The following TLN2 variants were observed in gnomAD, a reference collection of about 807,000 sequenced individuals.
The protein encoded by TLN2 is talin 2.
TLN2 carries 118 observed loss-of-function variants against 294.7 expected under a neutral mutation model. The ratio of observed to expected loss-of-function variants is 0.40; its 90% confidence interval spans 0.34 to 0.47. The LOEUF is 0.47. TLN2 is among the 20% of genes least tolerant of loss of function. The probability of loss-of-function intolerance (pLI) is 0.84; values close to 1 mark genes in which losing one functional copy is unlikely to be tolerated. For synonymous variants in TLN2, 1,431 were observed against 1,304.5 expected, an observed-to-expected ratio of 1.10 and a Z score of -2.09; for missense variants, 3,083 against 3,282.2, an observed-to-expected ratio of 0.94 and a Z score of 1.48.
intron 1 of TLN2, among the ~76,000 whole-genome samples, chr15:62,482,216 A>G (rs533257346): frequency 6.3e-4 from 96 of 152,230 alleles, no homozygotes; most frequent in African/African-American, 2.2e-3. Context: ...TGCATTGCAC[A>G]TTTCTGTAAT....
intron 45 of TLN2, 188 bp downstream of exon 45, chr15:62,784,078 C>A: frequency 1.0e-6 from 1 of 1,000,386 alleles, no homozygotes; most frequent in Non-Finnish European, 1.4e-6. Context: ...AGTCTCACTG[C>A]CCCTTATGGG....
intron 1 of TLN2, among the ~76,000 whole-genome samples, chr15:62,437,919 C>G (rs184916862): frequency 6.6e-6 from 1 of 152,122 alleles, no homozygotes; most frequent in Admixed American, 6.5e-5. Context: ...GGCAATGCAA[C>G]GGATTGATTT....
chr15:62,638,976 T>G (rs115974842), intron 3 of TLN2, among the ~76,000 whole-genome samples: 218 of 152,312 alleles, frequency 1.4e-3, no homozygotes, highest in African/African-American at 4.9e-3. Context: ...TGCTGGATGT[T>G]GGCCCTCTGT....
chr15:62,553,388 G>A (rs950696418), intron 1 of TLN2, among the ~76,000 whole-genome samples: 5 of 152,170 alleles, frequency 3.3e-5, no homozygotes, highest in Non-Finnish European at 7.3e-5. Context: ...AGGAGGCTGA[G>A]GCAGGAGAAT....
At chr15:62,600,782 C>T (rs1191967693) in intron 2 of TLN2, among the ~76,000 whole-genome samples, 3 of 152,228 alleles carry the variant, frequency 2.0e-5, no homozygotes, top group African/African-American at 7.2e-5. Context: ...CTTCCCTCTT[C>T]CCACCCATTA....
At position 62,833,614 on chromosome 15, in the gene TLN2, G is replaced by C. The variant is rs1172862785; in HGVS notation, c.7113G>C (p.Leu2371=). 6.2e-7 allele frequency: 1 copy of C among 1,614,020 alleles called. No individual in the cohort carries two copies. The highest frequency in any genetic ancestry group is 1.1e-5 in the South Asian group (1 of 91,044). Residue 2371 remains leucine (L), a synonymous_variant, in exon 55 of 59, where the codon CTG becomes CTC. Transcript: ENST00000636159. ...CGGCCTCAGCAGCCCAGAGGGAGCT[G>C]GTGGCCCAAGGAAAGGTGGGTAAAG... ...VKSASAAQRE[L]VAQGKVGSIP...
At chr15:62,558,238 A>C (rs535265088) in intron 1 of TLN2, among the ~76,000 whole-genome samples, 1 of 152,194 alleles carries the variant, frequency 6.6e-6, no homozygotes, top group Non-Finnish European at 1.5e-5. Context: ...TCTGGCAGGA[A>C]GGATTTAAAA....
At chr15:62,576,749 C>T (rs2044454078) in intron 1 of TLN2, among the ~76,000 whole-genome samples, 1 of 127,846 alleles carries the variant, frequency 7.8e-6, no homozygotes, top group Non-Finnish European at 1.6e-5. Flanking sequence ...TATATTTATT[C>T]ATTCTATTTT....
intron 11 of TLN2, among the ~76,000 whole-genome samples, chr15:62,680,049 C>A (rs1051678310): frequency 3.9e-5 from 6 of 152,212 alleles, no homozygotes. Context: ...TGTCCCTCTG[C>A]TAATCACACT....
At chr15:62,794,948 C>T (rs775435808) in intron 46 of TLN2, among the ~76,000 whole-genome samples, 3 of 152,204 alleles carry the variant, frequency 2.0e-5, no homozygotes, top group South Asian at 2.1e-4. Flanking sequence ...GGTGTGTGCA[C>T]GCAGAGGTTA....
At chr15:62,534,880 G>T (rs552054675) in intron 1 of TLN2, among the ~76,000 whole-genome samples, 3 of 152,122 alleles carry the variant, frequency 2.0e-5, no homozygotes, top group Admixed American at 2.0e-4. Context: ...TGAGGCAGTT[G>T]CCTCTGTTCT....
intron 3 of TLN2, among the ~76,000 whole-genome samples, chr15:62,639,322 C>T (rs1308265689): frequency 6.6e-6 from 1 of 152,064 alleles, no homozygotes; most frequent in Middle Eastern, 3.2e-3. Context: ...CTGCCGTTTA[C>T]TTAGGGATAT....
chr15:62,830,996 TCAAAAATATTTC>T (rs1260180185), intron 54 of TLN2: 1 of 150,420 alleles, frequency 6.6e-6, no homozygotes, highest in Non-Finnish European at 1.5e-5. Context: ...TCTGTGGGTG[TCAAAAATATTTC>T]CAAGTTGAAT....
chr15:62,682,969 A>G (rs1325830734), intron 11 of TLN2: 1 of 152,214 alleles, frequency 6.6e-6, no homozygotes. Context: ...TTCAGTCAAA[A>G]TGGATTGCCA....
intron 47 of TLN2, 68 bp from the exon 48 acceptor site, chr15:62,797,151 T>C: frequency 1.9e-6 from 3 of 1,567,410 alleles, no homozygotes; most frequent in Non-Finnish European, 2.6e-6. Flanking sequence ...GGATTTCTTT[T>C]CTTCTTGAAG....
intron 3 of TLN2, among the ~76,000 whole-genome samples, chr15:62,633,971 C>G (rs1340382128): frequency 6.6e-6 from 1 of 152,134 alleles, no homozygotes; most frequent in Non-Finnish European, 1.5e-5. Context: ...CATCATCTTT[C>G]CTGTGTATCT....
chr15:62,604,919 C>G (rs1001431076), intron 2 of TLN2, among the ~76,000 whole-genome samples: 2 of 151,970 alleles, frequency 1.3e-5, no homozygotes, highest in African/African-American at 4.8e-5. Flanking sequence ...CTCCTTTCCC[C>G]CATTAAGAAA....
chr15:62,756,975 A>G lies in TLN2; in HGVS notation c.4638+1282A>G, dbSNP rs147370888. ...AGCTCAGTTGAAGTTGAATAAAGCC[A>G]GTGTCCAGGTTCCCCATGATCCTGG... On this transcript the variant is annotated intron_variant, in intron 37 of 58. Coordinates refer to ENST00000636159, the MANE Select transcript of TLN2 (RefSeq NM_015059.3). Among the ~76,000 whole-genome samples the G allele has an allele frequency of 5.1e-3, 778 of 152,310 alleles. 7 individuals carry two copies. The highest frequency in any genetic ancestry group is 0.018 in the African/African-American group (758 of 41,568).
chr15:62,520,009 CAA>C (rs2040379381), intron 1 of TLN2, among the ~76,000 whole-genome samples: 1 of 152,196 alleles, frequency 6.6e-6, no homozygotes, highest in Non-Finnish European at 1.5e-5. Context: ...TGGCAGCAGA[CAA>C]GAGACAGTGA....
Sources: allele counts gnomAD v4.1 joint callset (sites outside exome capture counted in the v4.1 genomes callset), GRCh38; gene constraint gnomAD v4.1.1; transcripts MANE v1.5; gene names NCBI Gene and HGNC (gene_info 2026-07-23, HGNC 2026-07-21).